CACNA1G: variants seen among roughly 807,000 people sequenced by gnomAD.
CACNA1G encodes the protein voltage-dependent T-type calcium channel subunit alpha-1G.
In CACNA1G, 67 loss-of-function variants were observed where a neutral mutation model predicts 219.4. The ratio of observed to expected loss-of-function variants is 0.31; its 90% CI spans 0.25 to 0.37. The LOEUF (loss-of-function observed/expected upper bound fraction) is 0.37, where lower values mean the gene tolerates loss of function less well. CACNA1G is among the 10% of genes least tolerant of loss of function. The pLI is 1.00. For missense variants in CACNA1G, 2,380 were observed against 3,231.4 expected, an observed-to-expected ratio of 0.74 and a Z score of 6.39; for synonymous variants, 1,296 against 1,345.3, an observed-to-expected ratio of 0.96 and a Z score of 0.80.
intron 26 of CACNA1G, among the ~76,000 whole-genome samples, chr17:50,614,929 G>A (rs575908274): frequency 6.6e-6 from 1 of 152,336 alleles, no homozygotes; most frequent in South Asian, 2.1e-4. Flanking sequence ...GAGGGGCTGA[G>A]CTTGGTGAAG....
At chr17:50,581,779 T>C (rs986608142) in intron 9 of CACNA1G, among the ~76,000 whole-genome samples, 3 of 152,248 alleles carry the variant, frequency 2.0e-5, no homozygotes, top group African/African-American at 7.2e-5. Context: ...TGTGATCTGA[T>C]ATGGGGCCAG....
intron 22 of CACNA1G, among the ~76,000 whole-genome samples, chr17:50,604,504 G>A (rs1281977262): frequency 6.6e-6 from 1 of 152,248 alleles, no homozygotes; most frequent in East Asian, 1.9e-4. Flanking sequence ...CTGCCGAGAG[G>A]CTTCAGGCCA....
At chr17:50,595,151 G>A (rs904048852) in intron 14 of CACNA1G, 90 bp downstream of exon 14, 11 of 957,352 alleles carry the variant, frequency 1.1e-5, no homozygotes, top group African/African-American at 1.6e-5. Context: ...TCGTGTTCAC[G>A]CTCCGCTGCT....
rs773621634 is a variant in CACNA1G, at chr17:50,569,125, C to CCCACGTCTCAGTTTCAG, written c.355-35_355-19dup. The CCCACGTCTCAGTTTCAG allele has an allele frequency of 4.4e-6, 7 of 1,605,430 alleles. No homozygotes were observed. The African/African-American group carries it at 9.4e-5, about 21-fold the overall frequency. On this transcript the variant is annotated intron_variant, in intron 2 of 37. Coordinates refer to ENST00000359106, the MANE Select transcript of CACNA1G (RefSeq NM_018896.5). ...GGTGGGACTAGAGGGTATTCCCTCACCCACGTCTCAGTTTCAGCCACCTCT... is the reference window on the plus strand; with the variant it reads ...GGTGGGACTAGAGGGTATTCCCTCACCCACGTCTCAGTTTCAGCCACGTCTCAGTTTCAGCCACCTCT...
At chr17:50,561,787 C>T (rs574034901) in intron 1 of CACNA1G, 86 bp downstream of exon 1, 2 of 1,277,642 alleles carry the variant, frequency 1.6e-6, no homozygotes, top group Admixed American at 6.2e-5. Context: ...GAAGACCCAC[C>T]GCCAGGTGAG....
Position 50,568,972 on chromosome 17 carries a change from G to A in CACNA1G, c.345G>A (p.Arg115=), listed in dbSNP as rs1446913507. ...TCGCCTGTGACTCCCAGCGCTGCCG[G>A]ATCCTGCAGGTGAGTGTGTGTGTGT... ...EDIACDSQRC[R]ILQAFDDFIF... Residue 115 remains arginine, a synonymous_variant, in exon 2 of 38, where the codon CGG becomes CGA. Transcript: ENST00000359106. 1.2e-6 allele frequency: 2 copies of A among 1,605,408 alleles called. No individual in the cohort carries two copies. Among genetic ancestry groups the A allele is most frequent in the Non-Finnish European group, 1.7e-6 (2 of 1,177,912 alleles).
chr17:50,611,145 T>C (rs2049106152), intron 26 of CACNA1G, among the ~76,000 whole-genome samples: 2 of 151,116 alleles, frequency 1.3e-5, no homozygotes, highest in African/African-American at 4.9e-5. Context: ...TCCCAGCTAC[T>C]CGGGAGGCTG....
rs774544263 is a variant in CACNA1G, at chr17:50,599,617, C to T, written c.3448C>T (p.Arg1150Trp). The change falls in exon 17 of 38, where the codon CGG becomes TGG. Residue 1150 changes from arginine to tryptophan, a missense_variant. Transcript: ENST00000359106. ...TGAAGAGGAGAGCTCAGAAGAGGAG[C>T]GGGCCAGCCCTGCGGGCAGTGACCA... is the stretch of plus-strand genomic sequence containing the variant. ...QDEEESSEEE[R>W]ASPAGSDHRH... is the part of the protein sequence containing the mutation. The T allele has an allele frequency of 3.0e-5, 48 of 1,612,832 alleles. No homozygotes were observed. Among genetic ancestry groups the T allele is most frequent in the Non-Finnish European group, 3.9e-5 (46 of 1,179,512 alleles).
chr17:50,580,827 G>A (rs1204948897), intron 9 of CACNA1G, among the ~76,000 whole-genome samples: 1 of 152,200 alleles, frequency 6.6e-6, no homozygotes, highest in Non-Finnish European at 1.5e-5. Flanking sequence ...GCGGGCTCAG[G>A]GGTGCGGAGA....
rs776113441 is a variant in CACNA1G, at chr17:50,603,003, G to C, written c.3985-12G>C. On this transcript the variant is annotated splice_polypyrimidine_tract_variant and intron_variant, in intron 20 of 37. Transcript: ENST00000359106. The surrounding 1 kb of genome is among the most constrained non-coding windows in gnomAD (Gnocchi z 6.4). ...CAGGGAGGGCGGCCGATGACGTGGC[G>C]GTGGTCCCCAGGTGGTGGCACTGGG... 1 of 1,610,274 alleles carries C rather than the reference G, an allele frequency of 6.2e-7. No homozygotes were observed. The highest frequency in any genetic ancestry group is 8.5e-7 in the Non-Finnish European group (1 of 1,177,366).
intron 14 of CACNA1G, 68 bp downstream of exon 14, chr17:50,595,129 G>A (rs1475187095): frequency 3.5e-5 from 41 of 1,176,748 alleles, no homozygotes; most frequent in East Asian, 5.2e-5. Flanking sequence ...CTCCGCCTCC[G>A]TGTCTCTGTG....
chr17:50,615,593 A>T, intron 27 of CACNA1G, 81 bp downstream of exon 27: 1 of 1,496,384 alleles, frequency 6.7e-7, no homozygotes, highest in East Asian at 2.4e-5. Context: ...AGCCTGAGCC[A>T]GGGTACCTCT....
chr17:50,589,912 C>CTCTCTCTGTGTGTG (rs1326523232), intron 9 of CACNA1G, among the ~76,000 whole-genome samples: 6 of 141,922 alleles, frequency 4.2e-5, no homozygotes, highest in African/African-American at 1.7e-4. Flanking sequence ...CTCTCTCTCT[C>CTCTCTCTGTGTGTG]TGTGTGTGTG....
At chr17:50,577,366 G>T (rs922018115) in intron 8 of CACNA1G, among the ~76,000 whole-genome samples, 3 of 151,504 alleles carry the variant, frequency 2.0e-5, no homozygotes, top group Non-Finnish European at 4.4e-5. Flanking sequence ...ACTCTCTGAG[G>T]TTCTCATATT....
chr17:50,624,770 G>A (rs2053238297), intron 37 of CACNA1G, among the ~76,000 whole-genome samples: 1 of 152,224 alleles, frequency 6.6e-6, no homozygotes, highest in Non-Finnish European at 1.5e-5. Context: ...AAGGGGTAGT[G>A]CTTGCCCAGG....
intron 9 of CACNA1G, among the ~76,000 whole-genome samples, chr17:50,584,684 A>G (rs2042656501): frequency 6.6e-6 from 1 of 151,984 alleles, no homozygotes; most frequent in South Asian, 2.1e-4. Flanking sequence ...GCTCCCTTCC[A>G]GGAGAGGAAG....
At chr17:50,567,336 ATG>A (rs1408633033) in intron 1 of CACNA1G, among the ~76,000 whole-genome samples, 1 of 152,264 alleles carries the variant, frequency 6.6e-6, no homozygotes, top group East Asian at 1.9e-4. Flanking sequence ...GCGAGCAGGC[ATG>A]TGAGTCTAGG....
rs1408037665 is a variant in CACNA1G, at chr17:50,618,456, G to C, written c.5427+113G>C. 3.5e-6 allele frequency: 5 copies of C among 1,410,278 alleles called. No individual in the cohort carries two copies. Among genetic ancestry groups the C allele is most frequent in the Admixed American group, 3.6e-5 (2 of 55,908 alleles). The allele number at this position is 1,410,278 out of a possible 1,614,324, so 87.4% of individuals were successfully genotyped here. On this transcript the variant is annotated intron_variant, in intron 32 of 37. Transcript: ENST00000359106. This position sits in a 1 kb window ranked among gnomAD's most constrained non-coding sequence, Gnocchi z 5.3. ...AAAAGCATGTGACCTTCTCTCCCCC[G>C]TGCTAGAACACTCTGGAACTCCCTC...
intron 23 of CACNA1G, among the ~76,000 whole-genome samples, chr17:50,606,675 C>A (rs28691270): frequency 6.6e-6 from 1 of 152,070 alleles, no homozygotes; most frequent in South Asian, 2.1e-4. Flanking sequence ...TCCTACCTGG[C>A]GGAGGGCAGA....
Sources: allele counts gnomAD v4.1 joint callset (sites outside exome capture counted in the v4.1 genomes callset), GRCh38; gene constraint gnomAD v4.1.1; non-coding constraint Gnocchi (gnomAD v3.1); transcripts MANE v1.5; gene names NCBI Gene and HGNC (gene_info 2026-07-23, HGNC 2026-07-21).